Variants in ACOXL observed in about 807,000 individuals in gnomAD.
The protein encoded by ACOXL is acyl-CoA oxidase like.
ACOXL carries 70 observed loss-of-function variants against 71.9 expected under a neutral mutation model. The observed-to-expected ratio is 0.97, with a 90% confidence interval of 0.80 to 1.19. The LOEUF (loss-of-function observed/expected upper bound fraction) is 1.19, where lower values mean the gene tolerates loss of function less well. Ranked by LOEUF, ACOXL falls within the 50% of genes most tolerant of loss-of-function variation. The pLI is 0.00. For synonymous variants in ACOXL, 253 were observed against 281.6 expected (o/e 0.90, Z 1.02); for missense variants, 703 against 736.3 (o/e 0.95, Z 0.52).
chr2:110,825,596 A>G (rs1051207471), intron 9 of ACOXL, among the ~76,000 whole-genome samples: 1 of 151,960 alleles, frequency 6.6e-6, no homozygotes, highest in African/African-American at 2.4e-5. Context: ...CAACATCCTT[A>G]ATTTTTTCCC....
chr2:110,890,730 C>T (rs1195460590), intron 10 of ACOXL, among the ~76,000 whole-genome samples: 1 of 152,042 alleles, frequency 6.6e-6, no homozygotes, highest in Non-Finnish European at 1.5e-5. Flanking sequence ...TCAAGTTTTC[C>T]AATTGAGAAG....
intron 10 of ACOXL, among the ~76,000 whole-genome samples, chr2:110,856,818 T>C (rs999783901): frequency 6.6e-6 from 1 of 152,192 alleles, no homozygotes; most frequent in Non-Finnish European, 1.5e-5. Flanking sequence ...GGGGACCTAC[T>C]GTAAAAGCCA....
intron 12 of ACOXL, among the ~76,000 whole-genome samples, chr2:110,945,320 C>G (rs996649499): frequency 2.0e-5 from 3 of 149,560 alleles, no homozygotes; most frequent in African/African-American, 7.3e-5. Context: ...GTTTCTTTTG[C>G]TGTGCAAATG....
Position 110,875,520 on chromosome 2 carries a change from G to A in ACOXL, c.789-33269G>A, listed in dbSNP as rs114131268. Among the ~76,000 whole-genome samples, 1,353 of 152,314 alleles carry A rather than the reference G, an allele frequency of 8.9e-3. 10 individuals carry two copies. Among genetic ancestry groups the A allele is most frequent in the Middle Eastern group, 0.058 (17 of 294 alleles). The stretch of plus-strand genomic sequence containing the variant: ...CAGACAGGCTCAGGCTGTGCACATG[G>A]GTGTGGGCTTGGGGCTGTGAGTGTG... On this transcript the variant is annotated intron_variant, in intron 10 of 17. Transcript: ENST00000439055.
At chr2:110,858,689 T>C (rs1029665679) in intron 10 of ACOXL, among the ~76,000 whole-genome samples, 5 of 152,250 alleles carry the variant, frequency 3.3e-5, no homozygotes, top group African/African-American at 1.2e-4. Flanking sequence ...TGGGCTGCGT[T>C]GCAAACACAT....
intron 17 of ACOXL, among the ~76,000 whole-genome samples, chr2:111,108,815 CCT>C (rs2150073601): frequency 6.6e-6 from 1 of 152,318 alleles, no homozygotes; most frequent in East Asian, 1.9e-4. Flanking sequence ...AATTCCTCAC[CCT>C]GACCCCTGAG....
At chr2:110,766,176 G>T (rs1434918839) in intron 1 of ACOXL, among the ~76,000 whole-genome samples, 1 of 152,094 alleles carries the variant, frequency 6.6e-6, no homozygotes, top group Non-Finnish European at 1.5e-5. Context: ...CATTCATGTT[G>T]TGATGTTCCT....
At chr2:110,989,443 T>C (rs1239113955) in intron 13 of ACOXL, among the ~76,000 whole-genome samples, 1 of 152,220 alleles carries the variant, frequency 6.6e-6, no homozygotes, top group African/African-American at 2.4e-5. Context: ...CAGAATTGGG[T>C]TGGCTGTTCA....
intron 1 of ACOXL, among the ~76,000 whole-genome samples, chr2:110,736,810 C>T (rs189170389): frequency 4.0e-4 from 61 of 152,142 alleles, no homozygotes; most frequent in African/African-American, 1.4e-3. Context: ...TTAGTAGAGA[C>T]GGGGTTTCAT....
intron 12 of ACOXL, among the ~76,000 whole-genome samples, chr2:110,961,647 T>C (rs2061702836): frequency 6.6e-6 from 1 of 152,248 alleles, no homozygotes; most frequent in South Asian, 2.1e-4. Flanking sequence ...TTCTCAACAC[T>C]GAGGTGCTGT....
At chr2:110,968,771 T>C (rs902020151) in intron 12 of ACOXL, 49 of 276,448 alleles carry the variant, frequency 1.8e-4, no homozygotes, top group Non-Finnish European at 2.4e-4. Context: ...AATAAACTTA[T>C]GGACAGCAAA....
intron 12 of ACOXL, among the ~76,000 whole-genome samples, chr2:110,972,627 G>A (rs558179260): frequency 1.5e-4 from 21 of 137,294 alleles, no homozygotes; most frequent in East Asian, 6.9e-4. Context: ...TCTCTCACAC[G>A]CACATGCACA....
intron 1 of ACOXL, among the ~76,000 whole-genome samples, chr2:110,745,499 G>C (rs1042601955): frequency 6.6e-6 from 1 of 151,934 alleles, no homozygotes; most frequent in African/African-American, 2.4e-5. Flanking sequence ...GATGTAGCTC[G>C]GGGAAGGGAC....
chr2:111,051,125 A>G (rs1053223591), intron 16 of ACOXL, among the ~76,000 whole-genome samples: 11 of 152,232 alleles, frequency 7.2e-5, no homozygotes, highest in Non-Finnish European at 1.6e-4. Context: ...AAATATTTGA[A>G]CAGGCATCAT....
intron 11 of ACOXL, among the ~76,000 whole-genome samples, chr2:110,923,880 G>A (rs942495479): frequency 1.3e-5 from 2 of 151,348 alleles, no homozygotes; most frequent in Non-Finnish European, 2.9e-5. Context: ...AGGTTGCAGT[G>A]AGCTGAGAAC....
chr2:111,054,947 C>T (rs1338879953), intron 16 of ACOXL, among the ~76,000 whole-genome samples: 1 of 152,142 alleles, frequency 6.6e-6, no homozygotes, highest in Non-Finnish European at 1.5e-5. Flanking sequence ...GGGAATTTTC[C>T]ACATGACTGC....
chr2:110,823,756 A>G (rs1688881806), intron 9 of ACOXL, among the ~76,000 whole-genome samples: 2 of 152,160 alleles, frequency 1.3e-5, no homozygotes, highest in African/African-American at 2.4e-5. Context: ...TTGCCCTCTG[A>G]ATATATATTT....
At chr2:110,993,582 G>T (rs190849685) in intron 13 of ACOXL, among the ~76,000 whole-genome samples, 3 of 152,312 alleles carry the variant, frequency 2.0e-5, no homozygotes, top group African/African-American at 7.2e-5. Context: ...GAGTAGAACC[G>T]CTATGAGCAT....
chr2:111,036,761 A>C (rs1205069237), intron 15 of ACOXL: 1 of 152,196 alleles, frequency 6.6e-6, no homozygotes. Flanking sequence ...GAGGGACACG[A>C]AAGTGAGAAC....
Sources: gnomAD v4.1 joint callset for allele counts (sites outside exome capture counted in the v4.1 genomes callset) on GRCh38, gnomAD v4.1.1 for gene constraint, MANE v1.5 for transcripts, NCBI Gene and HGNC (gene_info 2026-07-23, HGNC 2026-07-21) for gene names.